PRKCZ: variants seen among roughly 807,000 people sequenced by gnomAD.
PRKCZ encodes the protein protein kinase C zeta, also known as protein kinase C zeta type.
PRKCZ carries 33 observed loss-of-function variants against 79.5 expected under a neutral mutation model. That is an observed-to-expected ratio of 0.41 (90% CI 0.31 to 0.55). PRKCZ has a LOEUF of 0.55. PRKCZ is among the 20% of genes least tolerant of loss of function. The pLI, the probability that PRKCZ is intolerant of heterozygous loss-of-function variation, is 0.19. For synonymous variants in PRKCZ, 342 were observed against 320.9 expected, an observed-to-expected ratio of 1.07 and a Z score of -0.70; for missense variants, 578 against 813.5, an observed-to-expected ratio of 0.71 and a Z score of 3.52.
intron 4 of PRKCZ, among the ~76,000 whole-genome samples, chr1:2,097,956 A>G (rs1666808540): frequency 6.6e-6 from 1 of 152,204 alleles, no homozygotes; most frequent in African/African-American, 2.4e-5. Flanking sequence ...GTTGGACTGC[A>G]CAGTCTAAGC....
intron 4 of PRKCZ, among the ~76,000 whole-genome samples, chr1:2,069,763 A>G (rs1391432840): frequency 6.6e-6 from 1 of 152,010 alleles, no homozygotes; most frequent in African/African-American, 2.4e-5. Context: ...CATCATGTGG[A>G]GGGAGGGGTG....
At chr1:2,166,325 C>A (rs994369268) in intron 10 of PRKCZ, among the ~76,000 whole-genome samples, 2 of 152,124 alleles carry the variant, frequency 1.3e-5, no homozygotes, top group East Asian at 3.9e-4. Flanking sequence ...AGGCTGAAGC[C>A]GGAGGATTGC....
chr1:2,168,288 CAG>C lies in PRKCZ; in HGVS notation c.975-1229_975-1228del, dbSNP rs778002274. On this transcript the variant is annotated intron_variant, in intron 10 of 17. Transcript: ENST00000378567. The surrounding 1 kb of genome is among the most constrained non-coding windows in gnomAD (Gnocchi z 4.7). ...TTCCAATAAAACTTTATTTACAAAA[CAG>C]GGAGCAGTGGACCAGCGAGTCCCCA... Among the ~76,000 whole-genome samples the C allele has an allele frequency of 7.2e-5, 11 of 152,294 alleles. No homozygotes were observed. Among genetic ancestry groups the C allele is most frequent in the Non-Finnish European group, 1.0e-4 (7 of 68,022 alleles).
In PRKCZ at chr1:2,168,710, C is replaced by T. The variant is rs1683819674; in HGVS notation, c.975-808C>T. 2 of 177,994 alleles carry T rather than the reference C, an allele frequency of 1.1e-5. No individual in the cohort carries two copies. Among genetic ancestry groups the T allele is most frequent in the African/African-American group, 2.4e-5 (1 of 41,882 alleles). 11.0% of individuals were successfully genotyped at this position (177,994 alleles called of 1,614,324 possible). On this transcript the variant is annotated intron_variant, in intron 10 of 17. Transcript: ENST00000378567. The surrounding 1 kb of genome is among the most constrained non-coding windows in gnomAD (Gnocchi z 4.7). ...ACGGGCAGAGTCACCACACGCTTCCCTCCTTCACTCCCCGCTCCACGAGGG... is the reference window on the plus strand; with the variant it reads ...ACGGGCAGAGTCACCACACGCTTCCTTCCTTCACTCCCCGCTCCACGAGGG...
chr1:2,175,508 C>T (rs1162727141), intron 16 of PRKCZ, among the ~76,000 whole-genome samples, 195 bp downstream of exon 16: 1 of 145,662 alleles, frequency 6.9e-6, no homozygotes, highest in Non-Finnish European at 1.5e-5. Context: ...AACTCCCACC[C>T]CAACCCCCAA....
rs530985555 is a variant in PRKCZ at position 2,109,078 on chromosome 1, C to T, written c.335-26184C>T. On this transcript the variant is annotated intron_variant, in intron 4 of 17. Transcript: ENST00000378567. ...TGAGGACCCCGCAATGACGTGGGCCCACCCAGATCATCCAGGAACATCTCC... is the reference window on the plus strand; with the variant it reads ...TGAGGACCCCGCAATGACGTGGGCCTACCCAGATCATCCAGGAACATCTCC... Among the ~76,000 whole-genome samples the T allele has an allele frequency of 6.6e-5, 10 of 152,346 alleles. No individual in the cohort carries two copies. The South Asian group carries it at 1.2e-3, about 19-fold the overall frequency.
In PRKCZ at chr1:2,056,570, C is replaced by T; in HGVS notation, c.280C>T (p.His94Tyr). 2 of 1,613,014 alleles carry T rather than the reference C, an allele frequency of 1.2e-6. No homozygotes were observed. Among genetic ancestry groups the T allele is most frequent in the Non-Finnish European group, 1.7e-6 (2 of 1,179,514 alleles). The change falls in exon 3 of 18, where the codon CAT becomes TAT. Residue 94 changes from histidine (H) to tyrosine (Y), a missense_variant. By Grantham distance (83) the His-to-Tyr change is moderately conservative (BLOSUM62 2). Coordinates refer to ENST00000378567, the MANE Select transcript of PRKCZ (RefSeq NM_002744.6). ...GTGCAGGGATGAAGGCCTCATCATT[C>T]ATGGTTAGTGGCGGGGTCTGTGGTG... ...RQCRDEGLII[H>Y]VFPSTPEQPG...
In PRKCZ at chr1:2,168,306, C is replaced by T. The variant is rs1053204454; in HGVS notation, c.975-1212C>T. Among the ~76,000 whole-genome samples, 12 of 152,254 alleles carry T rather than the reference C, an allele frequency of 7.9e-5. No homozygotes were observed. The highest frequency in any genetic ancestry group is 3.4e-3 in the Middle Eastern group (1 of 294). ...TACAAAACAGGGAGCAGTGGACCAG[C>T]GAGTCCCCAAGGACAAGGGCCAGGT... On this transcript the variant is annotated intron_variant, in intron 10 of 17. Transcript: ENST00000378567. The surrounding 1 kb of genome is among the most constrained non-coding windows in gnomAD (Gnocchi z 4.7).
chr1:2,127,264 C>T lies in PRKCZ; in HGVS notation c.335-7998C>T, dbSNP rs1250497343. Reference sequence around the variant, plus strand: ...GACTTTAGTGTTATTCTTCAGTCACCTTTAAAAGCATAGCATGTTTTCAAT... The same window carrying T: ...GACTTTAGTGTTATTCTTCAGTCACTTTTAAAAGCATAGCATGTTTTCAAT... On this transcript the variant is annotated intron_variant, in intron 4 of 17. Coordinates refer to ENST00000378567, the MANE Select transcript of PRKCZ (RefSeq NM_002744.6). The surrounding 1 kb of genome is among the most constrained non-coding windows in gnomAD (Gnocchi z 5.1). Among the ~76,000 whole-genome samples the T allele has an allele frequency of 3.3e-5, 5 of 152,248 alleles. No homozygotes were observed. The highest frequency in any genetic ancestry group is 1.2e-4 in the African/African-American group (5 of 41,466).
intron 4 of PRKCZ, among the ~76,000 whole-genome samples, chr1:2,098,926 C>G (rs1666994648): frequency 6.6e-6 from 1 of 152,190 alleles, no homozygotes; most frequent in South Asian, 2.1e-4. Context: ...CGTGATCCAC[C>G]CACCTCAGCC....
At chr1:2,133,916 C>T (rs924789669) in intron 4 of PRKCZ, 2 of 152,298 alleles carry the variant, frequency 1.3e-5, no homozygotes, top group African/African-American at 2.4e-5. Context: ...CACCCGACCC[C>T]CTCAGGGCTG....
intron 4 of PRKCZ, among the ~76,000 whole-genome samples, chr1:2,084,775 C>A (rs951728759): frequency 6.6e-6 from 1 of 152,122 alleles, no homozygotes; most frequent in Admixed American, 6.6e-5. Context: ...GAGGCCTAGC[C>A]AGGTGGATCG....
intron 5 of PRKCZ, 45 bp downstream of exon 5, chr1:2,135,392 A>G (rs376927359): frequency 6.6e-7 from 1 of 1,518,322 alleles, no homozygotes; most frequent in Non-Finnish European, 9.0e-7. Context: ...GCCTTTTGTT[A>G]CTTTTAAAAG....
chr1:2,062,482 CTT>C (rs61178553), intron 4 of PRKCZ, among the ~76,000 whole-genome samples: 28 of 133,886 alleles, frequency 2.1e-4, no homozygotes, highest in South Asian at 2.5e-4. Flanking sequence ...GCCATCTTAA[CTT>C]TTTTTTTTTT....
intron 10 of PRKCZ, among the ~76,000 whole-genome samples, chr1:2,163,328 A>G (rs1046301458): frequency 1.3e-5 from 2 of 152,198 alleles, no homozygotes; most frequent in Non-Finnish European, 2.9e-5. Context: ...TGGGTTCTGG[A>G]GCCCACAGAG....
At chr1:2,099,203 CT>C (rs1667046003) in intron 4 of PRKCZ, among the ~76,000 whole-genome samples, 2 of 152,188 alleles carry the variant, frequency 1.3e-5, no homozygotes, top group South Asian at 4.1e-4. Context: ...CGGACACCCC[CT>C]CTCACAAGTC....
intron 4 of PRKCZ, among the ~76,000 whole-genome samples, chr1:2,096,723 G>A (rs1484613792): frequency 6.6e-6 from 1 of 152,156 alleles, no homozygotes; most frequent in African/African-American, 2.4e-5. Context: ...CAGGGTCTGG[G>A]TTGCTCGTTC....
At position 2,135,900 on chromosome 1, in the gene PRKCZ, G is replaced by A. The variant is rs149207300; in HGVS notation, c.420+553G>A. Reference sequence around the variant, plus strand: ...TTCCTATGAAATGGGTGATTCAGATGCTTTTGTAATTGTTCTGTTTCACAG... The same window carrying A: ...TTCCTATGAAATGGGTGATTCAGATACTTTTGTAATTGTTCTGTTTCACAG... On this transcript the variant is annotated intron_variant, in intron 5 of 17. Coordinates refer to ENST00000378567, the MANE Select transcript of PRKCZ (RefSeq NM_002744.6). 3.0e-3 allele frequency among the ~76,000 whole-genome samples: 459 copies of A among 152,284 alleles called. 1 individual carries two copies. The highest frequency in any genetic ancestry group is 0.01 in the African/African-American group (434 of 41,562).
At chr1:2,085,571 C>T (rs1010718137) in intron 4 of PRKCZ, among the ~76,000 whole-genome samples, 3 of 152,212 alleles carry the variant, frequency 2.0e-5, no homozygotes, top group Non-Finnish European at 4.4e-5. Flanking sequence ...TGCAGCGCCA[C>T]GCTGGAGGGG....
Sources: allele counts gnomAD v4.1 joint callset (sites outside exome capture counted in the v4.1 genomes callset), GRCh38; gene constraint gnomAD v4.1.1; non-coding constraint Gnocchi (gnomAD v3.1); transcripts MANE v1.5; gene names NCBI Gene and HGNC (gene_info 2026-07-23, HGNC 2026-07-21).